The following MAP2K6 variants were observed in gnomAD, a reference collection of about 807,000 sequenced individuals.
MAP2K6 encodes dual specificity mitogen-activated protein kinase kinase 6.
In MAP2K6, 16 loss-of-function variants were observed where a neutral mutation model predicts 53.7. That is an observed-to-expected ratio of 0.30 (90% CI 0.20 to 0.45). The LOEUF is 0.45. Ranked by LOEUF, MAP2K6 falls within the 20% of genes least tolerant of loss-of-function variation. The pLI is 1.00. For synonymous variants in MAP2K6, 132 were observed against 143.1 expected (o/e 0.92, Z 0.55); for missense variants, 204 against 411.9 (o/e 0.50, Z 4.37).
chr17:69,507,513 G>C (rs898499383), intron 2 of MAP2K6, among the ~76,000 whole-genome samples: 2 of 152,026 alleles, frequency 1.3e-5, no homozygotes, highest in African/African-American at 4.8e-5. Flanking sequence ...TTAATCCCCA[G>C]CAACCGCTAA....
chr17:69,457,877 G>C (rs976712613), intron 1 of MAP2K6, among the ~76,000 whole-genome samples: 8 of 152,194 alleles, frequency 5.3e-5, no homozygotes, highest in African/African-American at 1.9e-4. Context: ...ATCAGGATCT[G>C]TCTTCTAGCA....
intron 2 of MAP2K6, among the ~76,000 whole-genome samples, chr17:69,510,270 G>C (rs1342894108): frequency 6.6e-6 from 1 of 152,062 alleles, no homozygotes; most frequent in Admixed American, 6.5e-5. Context: ...TCATTTTTAT[G>C]TACTCAGCTA....
intron 11 of MAP2K6, among the ~76,000 whole-genome samples, chr17:69,541,002 G>A (rs890243779): frequency 5.3e-5 from 8 of 152,106 alleles, no homozygotes; most frequent in East Asian, 3.9e-4. Context: ...GGTGGCACAC[G>A]CCTGCAATCC....
chr17:69,420,224 T>G (rs1906033817), intron 1 of MAP2K6, among the ~76,000 whole-genome samples: 1 of 152,196 alleles, frequency 6.6e-6, no homozygotes, highest in African/African-American at 2.4e-5. Flanking sequence ...ATTCCTGCAT[T>G]TTCAGTTATC....
At chr17:69,539,862 G>T (rs1210746974) in intron 11 of MAP2K6, among the ~76,000 whole-genome samples, 1 of 152,146 alleles carries the variant, frequency 6.6e-6, no homozygotes, top group Non-Finnish European at 1.5e-5. Context: ...AGAGTCCTTG[G>T]TAAGTGTGCT....
At chr17:69,475,560 G>A (rs922408123) in intron 1 of MAP2K6, among the ~76,000 whole-genome samples, 6 of 152,224 alleles carry the variant, frequency 3.9e-5, no homozygotes, top group South Asian at 4.1e-4. Context: ...CTCCTCTCAC[G>A]TGTGTACACA....
chr17:69,430,411 A>G (rs1355259265), intron 1 of MAP2K6, among the ~76,000 whole-genome samples: 1 of 152,234 alleles, frequency 6.6e-6, no homozygotes, highest in Non-Finnish European at 1.5e-5. Context: ...GAGATTCAAG[A>G]AACTATGCTG....
intron 1 of MAP2K6, among the ~76,000 whole-genome samples, chr17:69,443,771 A>G (rs1235000513): frequency 2.0e-5 from 3 of 152,272 alleles, no homozygotes; most frequent in East Asian, 3.9e-4. Flanking sequence ...GAAAGTAGTG[A>G]TAAGTTGGTA....
chr17:69,519,137 G>C (rs922836038), intron 4 of MAP2K6, among the ~76,000 whole-genome samples, 176 bp from the exon 5 acceptor site: 33 of 152,184 alleles, frequency 2.2e-4, no homozygotes, highest in African/African-American at 7.5e-4. Context: ...AATCAAATGA[G>C]TAACAGCCTT....
chr17:69,443,908 G>A lies in MAP2K6; in HGVS notation c.16+28908G>A, dbSNP rs983516481. On this transcript the variant is annotated intron_variant, in intron 1 of 11. Transcript: ENST00000590474. ...AGTGATAGGCCTGGGAAAAGCAAAGGAGGCATAAACATGTCCTGTGTGGGG... is the reference window on the plus strand; with the variant it reads ...AGTGATAGGCCTGGGAAAAGCAAAGAAGGCATAAACATGTCCTGTGTGGGG... Among the ~76,000 whole-genome samples the A allele has an allele frequency of 1.3e-5, 2 of 152,188 alleles. 1 individual carries two copies. Among genetic ancestry groups the A allele is most frequent in the South Asian group, 4.1e-4 (2 of 4,828 alleles).
chr17:69,528,824 A>C (rs1910921265), intron 10 of MAP2K6, among the ~76,000 whole-genome samples: 1 of 134,098 alleles, frequency 7.5e-6, no homozygotes, highest in Admixed American at 8.9e-5. Context: ...GCACCACTGC[A>C]CTCCAGCCTG....
chr17:69,506,542 A>G (rs892966585), intron 2 of MAP2K6, among the ~76,000 whole-genome samples: 6 of 152,078 alleles, frequency 3.9e-5, no homozygotes, highest in Admixed American at 2.0e-4. Flanking sequence ...AACTCACAAT[A>G]GAGGTGTTAG....
intron 10 of MAP2K6, among the ~76,000 whole-genome samples, chr17:69,529,658 C>T (rs1910975978): frequency 6.6e-6 from 1 of 151,642 alleles, no homozygotes; most frequent in African/African-American, 2.4e-5. Context: ...CTACAGGTGC[C>T]CGCCACCACG....
chr17:69,449,532 T>TCTTTCTTTCTTTC (rs1907106997), intron 1 of MAP2K6, among the ~76,000 whole-genome samples: 4 of 67,984 alleles, frequency 5.9e-5, no homozygotes, highest in African/African-American at 2.6e-4. Flanking sequence ...TCTTTCTTTG[T>TCTTTCTTTCTTTC]CTTTCTTTCT....
At chr17:69,529,188 C>T (rs750144316) in intron 10 of MAP2K6, among the ~76,000 whole-genome samples, 31 of 152,132 alleles carry the variant, frequency 2.0e-4, no homozygotes, top group Admixed American at 3.9e-4. Flanking sequence ...TAGGCCTCAT[C>T]CTCATAGACT....
chr17:69,485,406 G>C (rs1052409500), intron 1 of MAP2K6: 13 of 880,192 alleles, frequency 1.5e-5, no homozygotes, highest in Non-Finnish European at 1.6e-5. Flanking sequence ...TTGCAGAGTT[G>C]TTTGCCTGTT....
chr17:69,479,907 A>G (rs1411311682), intron 1 of MAP2K6, among the ~76,000 whole-genome samples: 2 of 151,836 alleles, frequency 1.3e-5, no homozygotes, highest in Non-Finnish European at 2.9e-5. Flanking sequence ...TAATTTTTGT[A>G]TCTTTAGTAC....
chr17:69,533,143 G>T (rs1911172191), intron 10 of MAP2K6, among the ~76,000 whole-genome samples: 1 of 151,958 alleles, frequency 6.6e-6, no homozygotes, highest in Non-Finnish European at 1.5e-5. Flanking sequence ...TGGCCAGGCT[G>T]GTCTTGAACT....
At chr17:69,513,948 C>G (rs1276581605) in intron 2 of MAP2K6, among the ~76,000 whole-genome samples, 1 of 152,092 alleles carries the variant, frequency 6.6e-6, no homozygotes, top group African/African-American at 2.4e-5. Context: ...AACACTGTCT[C>G]TACTACAACT....
Sources: allele counts gnomAD v4.1 joint callset (sites outside exome capture counted in the v4.1 genomes callset), GRCh38; gene constraint gnomAD v4.1.1; transcripts MANE v1.5; gene names NCBI Gene and HGNC (gene_info 2026-07-23, HGNC 2026-07-21).